The following RNF10 variants were observed in gnomAD, a reference collection of about 807,000 sequenced individuals.
The protein encoded by RNF10 is ring finger protein 10.
RNF10 carries 38 observed loss-of-function variants against 91.4 expected under a neutral mutation model. That is an observed-to-expected ratio of 0.42 (90% CI 0.32 to 0.54). The LOEUF (loss-of-function observed/expected upper bound fraction) is 0.54, where lower values mean the gene tolerates loss of function less well. Among genes scored for constraint, RNF10 ranks in the 20% least tolerant of loss-of-function variants. The probability of loss-of-function intolerance (pLI) is 0.16; values close to 1 mark genes in which losing one functional copy is unlikely to be tolerated. For synonymous variants in RNF10, 364 were observed against 366.3 expected, an observed-to-expected ratio of 0.99 and a Z score of 0.07; for missense variants, 945 against 1,012.0, an observed-to-expected ratio of 0.93 and a Z score of 0.90.
chr12:120,560,121 T>C (rs1874619352), intron 6 of RNF10, among the ~76,000 whole-genome samples: 1 of 151,574 alleles, frequency 6.6e-6, no homozygotes, highest in Admixed American at 6.6e-5. Flanking sequence ...CTGGTTGGTT[T>C]GAGCTTTTCT....
chr12:120,554,391 A>C, intron 3 of RNF10: 1 of 268,868 alleles, frequency 3.7e-6, no homozygotes, highest in Non-Finnish European at 7.2e-6. Context: ...CTGGGGTTCT[A>C]AGGGGTGAGA....
At chr12:120,550,971 G>A (rs1872961823) in intron 2 of RNF10, among the ~76,000 whole-genome samples, 1 of 151,950 alleles carries the variant, frequency 6.6e-6, no homozygotes, top group African/African-American at 2.4e-5. Context: ...TATACCACCA[G>A]TTGTATTTAA....
In RNF10 at chr12:120,576,775, T is replaced by G; in HGVS notation, c.*109T>G. The G allele has an allele frequency of 1.4e-6, 2 of 1,457,336 alleles. No individual in the cohort carries two copies. The highest frequency in any genetic ancestry group is 1.3e-5 in the South Asian group (1 of 77,866). 90.3% of individuals were successfully genotyped at this position (1,457,336 alleles called of 1,614,324 possible). A position where few individuals can be genotyped will look rare whatever the true frequency, so the allele number is the denominator to read the frequency against. On this transcript the variant is annotated 3_prime_UTR_variant, in exon 17 of 17. Transcript: ENST00000325954. ...TTTAAGTATTTGAGTTTGAACAGAT[T>G]AGCTCTGGGGGGAGGGGGTTTCCAC...
At chr12:120,567,335 C>A (rs1355123825) in intron 13 of RNF10, among the ~76,000 whole-genome samples, 88 of 143,900 alleles carry the variant, frequency 6.1e-4, no homozygotes, top group South Asian at 8.6e-4. Flanking sequence ...TTTAATAGCT[C>A]AAAAAAAAAA....
chr12:120,555,371 G>A (rs957049779), intron 4 of RNF10, among the ~76,000 whole-genome samples: 17 of 151,820 alleles, frequency 1.1e-4, no homozygotes, highest in Admixed American at 7.9e-4. Context: ...TAGTAGAGAC[G>A]GGGTTTCACC....
intron 6 of RNF10, 73 bp downstream of exon 6, chr12:120,557,755 CAG>C: frequency 6.5e-7 from 1 of 1,540,008 alleles, no homozygotes; most frequent in South Asian, 1.1e-5. Flanking sequence ...ATCTAAGCAT[CAG>C]AAAGTGAAGC....
chr12:120,565,343 G>C (rs1383450411), intron 11 of RNF10, 85 bp from the exon 12 acceptor site: 6 of 1,321,990 alleles, frequency 4.5e-6, no homozygotes, highest in Non-Finnish European at 6.6e-6. Context: ...TGGGCCTACT[G>C]TTGTGGGTTT....
At chr12:120,552,416 T>G (rs1211288104) in intron 2 of RNF10, 83 bp from the exon 3 acceptor site, 19 of 1,215,636 alleles carry the variant, frequency 1.6e-5, no homozygotes, top group Non-Finnish European at 2.2e-5. Context: ...AAAAGCTGTG[T>G]AAAAGGAGGG....
At chr12:120,563,224 A>T in intron 8 of RNF10, 123 bp from the exon 9 acceptor site, 1 of 1,476,752 alleles carries the variant, frequency 6.8e-7, no homozygotes, top group Non-Finnish European at 9.3e-7. Flanking sequence ...AGGGGTGTTA[A>T]ATCAGTGAAC....
chr12:120,538,771 C>T (rs1369241248), intron 1 of RNF10, among the ~76,000 whole-genome samples: 1 of 152,148 alleles, frequency 6.6e-6, no homozygotes, highest in Non-Finnish European at 1.5e-5. Context: ...AAGGGAAGGT[C>T]AGGTATTATG....
chr12:120,537,948 T>TA (rs1871076568), intron 1 of RNF10, among the ~76,000 whole-genome samples: 1 of 152,208 alleles, frequency 6.6e-6, no homozygotes, highest in Non-Finnish European at 1.5e-5. Context: ...ACGTAACAGC[T>TA]AAGACCAGTG....
At position 120,534,605 on chromosome 12, in the gene RNF10, C is replaced by T. The variant is rs895161320; in HGVS notation, c.-207C>T. 51 of 1,233,714 alleles carry T rather than the reference C, an allele frequency of 4.1e-5. No individual in the cohort carries two copies. Among genetic ancestry groups the T allele is most frequent in the East Asian group, 6.7e-5 (2 of 29,922 alleles). 76.4% of individuals were successfully genotyped at this position (1,233,714 alleles called of 1,614,324 possible). A position where few individuals can be genotyped will look rare whatever the true frequency, so the allele number is the denominator to read the frequency against. On this transcript the variant is annotated 5_prime_UTR_variant, in exon 1 of 17. Transcript: ENST00000325954. ...TCCCGAGCCCCGGCCTCCTCGTCCT[C>T]GGTCGCCGCTGCCGCCGGGCTTAAC...
rs1378505501 is a variant in RNF10, at chr12:120,563,329, T to A, written c.1255-18T>A. On this transcript the variant is annotated intron_variant, in intron 8 of 16. Transcript: ENST00000325954. ...GCAGGAGATATCCTTTCTGTTGACT[T>A]AGAGTTTGCTGCAACAGGGTGTGCT... 6.3e-6 allele frequency: 10 copies of A among 1,596,666 alleles called. No homozygotes were observed. The highest frequency in any genetic ancestry group is 7.7e-6 in the Non-Finnish European group (9 of 1,173,122).
At chr12:120,542,768 G>T (rs1043940052) in intron 1 of RNF10, among the ~76,000 whole-genome samples, 2 of 152,112 alleles carry the variant, frequency 1.3e-5, no homozygotes, top group Non-Finnish European at 2.9e-5. Context: ...GGCCAGGCTG[G>T]TCTCGAACTT....
At position 120,554,800 on chromosome 12, in the gene RNF10, G is replaced by C; in HGVS notation, c.637G>C (p.Glu213Gln). Reference protein sequence around the residue: ...PDTLVNWDFVEQVRICSHEVP... With the variant: ...PDTLVNWDFVQQVRICSHEVP... ...TACATTAGTTAACTGGGACTTTGTG[G>C]AACAAGTGGTGAGTAGCTCAGCCAA... The change falls in exon 4 of 17, where the codon GAA becomes CAA. Residue 213 changes from glutamate (E) to glutamine (Q), a missense_variant. Transcript: ENST00000325954. 1 of 1,613,606 alleles carries C rather than the reference G, an allele frequency of 6.2e-7. No homozygotes were observed.
At position 120,574,117 on chromosome 12, in the gene RNF10, A is replaced by C. The variant is rs376363088; in HGVS notation, c.2143-1514A>C. On this transcript the variant is annotated intron_variant, in intron 14 of 16. Transcript: ENST00000325954. ...TGAGGCTTGGGAGGGTCAAATGTCT[A>C]AACCGTAGGAGACCCAAACTCCTAG... 5.2e-4 allele frequency among the ~76,000 whole-genome samples: 79 copies of C among 152,344 alleles called. No individual in the cohort carries two copies. In the South Asian group the frequency reaches 7.0e-3, roughly 14 times the overall value.
At chr12:120,546,159 C>T (rs1872300682) in intron 1 of RNF10, among the ~76,000 whole-genome samples, 1 of 152,170 alleles carries the variant, frequency 6.6e-6, no homozygotes, top group African/African-American at 2.4e-5. Flanking sequence ...GATTGAGAAT[C>T]CATGTGGTTT....
At position 120,563,049 on chromosome 12, in the gene RNF10, G is replaced by A; in HGVS notation, c.1233G>A (p.Glu411=). Residue 411 remains glutamate, a synonymous_variant, in exon 8 of 17, where the codon GAG becomes GAA. Transcript: ENST00000325954. ...TGCTGATGGCTCCCTTGGCGAAGGA[G>A]TCTGTTTTTCAACCCAGGAAGGTTA... ...QLVLMAPLAK[E]SVFQPRKGVL... 1 of 1,614,152 alleles carries A rather than the reference G, an allele frequency of 6.2e-7. No individual in the cohort carries two copies. Among genetic ancestry groups the A allele is most frequent in the East Asian group, 2.2e-5 (1 of 44,886 alleles).
chr12:120,576,780 C>T lies in RNF10; in HGVS notation c.*114C>T. ...GTATTTGAGTTTGAACAGATTAGCT[C>T]TGGGGGGAGGGGGTTTCCACAATGT... On this transcript the variant is annotated 3_prime_UTR_variant, in exon 17 of 17. Coordinates refer to ENST00000325954, the MANE Select transcript of RNF10 (RefSeq NM_014868.5). 1 of 1,434,990 alleles carries T rather than the reference C, an allele frequency of 7.0e-7. No individual in the cohort carries two copies. The highest frequency in any genetic ancestry group is 9.4e-7 in the Non-Finnish European group (1 of 1,061,642). 88.9% of individuals were successfully genotyped at this position (1,434,990 alleles called of 1,614,324 possible).
Sources: allele counts gnomAD v4.1 joint callset (sites outside exome capture counted in the v4.1 genomes callset), GRCh38; gene constraint gnomAD v4.1.1; transcripts MANE v1.5; gene names NCBI Gene and HGNC (gene_info 2026-07-23, HGNC 2026-07-21).